Variants in GPR149 observed in about 807,000 individuals in gnomAD.
GPR149 encodes G protein-coupled receptor 149.
A neutral mutation model predicts 50.2 loss-of-function variants in GPR149; 50 were observed. That is an observed-to-expected ratio of 1.00 (90% confidence interval 0.79 to 1.26). GPR149 has a LOEUF of 1.26. GPR149 is among the 50% of genes most tolerant of loss of function. The pLI is 0.00. For missense variants in GPR149, 983 were observed against 895.4 expected (o/e 1.10, Z -1.25); for synonymous variants, 405 against 358.2 (o/e 1.13, Z -1.48).
At chr3:154,365,422 C>G (rs1234532427) in intron 3 of GPR149, among the ~76,000 whole-genome samples, 1 of 152,190 alleles carries the variant, frequency 6.6e-6, no homozygotes, top group Non-Finnish European at 1.5e-5. Context: ...TGGCTTCCCT[C>G]TATTCATACT....
intron 3 of GPR149, among the ~76,000 whole-genome samples, chr3:154,405,420 C>T (rs1335023694): frequency 6.6e-6 from 1 of 151,812 alleles, no homozygotes; most frequent in Non-Finnish European, 1.5e-5. Context: ...AATCCCGTCT[C>T]TACTAAAGAT....
intron 3 of GPR149, among the ~76,000 whole-genome samples, chr3:154,415,763 A>G (rs996516212): frequency 2.0e-5 from 3 of 151,944 alleles, no homozygotes; most frequent in Non-Finnish European, 2.9e-5. Flanking sequence ...GATTTTCTAC[A>G]ATAATTATAA....
intron 3 of GPR149, among the ~76,000 whole-genome samples, chr3:154,401,044 G>A (rs1341812052): frequency 6.6e-6 from 1 of 152,216 alleles, no homozygotes; most frequent in African/African-American, 2.4e-5. Flanking sequence ...AGTGTTGTAT[G>A]ATTCATGAGA....
chr3:154,339,589 T>C (rs895141154), intron 3 of GPR149, among the ~76,000 whole-genome samples: 2 of 152,034 alleles, frequency 1.3e-5, no homozygotes, highest in Non-Finnish European at 2.9e-5. Context: ...CAGTCTTAGT[T>C]AGACAAATGG....
chr3:154,397,550 TAA>T (rs1251640290), intron 3 of GPR149, among the ~76,000 whole-genome samples: 5 of 151,164 alleles, frequency 3.3e-5, no homozygotes, highest in African/African-American at 1.2e-4. Flanking sequence ...CCAATTATTC[TAA>T]TATATTTTGT....
Position 154,339,859 on chromosome 3 carries a change from G to A in GPR149, c.1624-1588C>T, listed in dbSNP as rs529688034. 9.1e-4 allele frequency among the ~76,000 whole-genome samples: 116 copies of A among 127,470 alleles called. 1 individual carries two copies. The highest frequency in any genetic ancestry group is 6.7e-3 in the Admixed American group (65 of 9,720). 83.6% of individuals were successfully genotyped at this position (127,470 alleles called of 152,430 possible). A position where few individuals can be genotyped will look rare whatever the true frequency, so the allele number is the denominator to read the frequency against. On this transcript the variant is annotated intron_variant, in intron 3 of 3. Transcript: ENST00000389740. ...GGCTGGAATGCAGTGGCTCGATCTCGGTTCACTGCAAGCTCTGCCTCCTGA... is the reference window on the plus strand; with the variant it reads ...GGCTGGAATGCAGTGGCTCGATCTCAGTTCACTGCAAGCTCTGCCTCCTGA...
intron 3 of GPR149, among the ~76,000 whole-genome samples, chr3:154,406,940 C>A (rs1207406873): frequency 1.3e-5 from 2 of 152,124 alleles, no homozygotes; most frequent in African/African-American, 4.8e-5. Context: ...GCTGGGAAGG[C>A]CTCACAATCA....
chr3:154,341,819 C>T (rs2108383921), intron 3 of GPR149, among the ~76,000 whole-genome samples: 1 of 152,158 alleles, frequency 6.6e-6, no homozygotes, highest in South Asian at 2.1e-4. Context: ...TATGTAGCTA[C>T]AGCAATTAAT....
chr3:154,423,214 G>A (rs1229679328), intron 2 of GPR149, among the ~76,000 whole-genome samples: 1 of 151,802 alleles, frequency 6.6e-6, no homozygotes, highest in Non-Finnish European at 1.5e-5. Flanking sequence ...AACATTCTGA[G>A]GCCATTTTGC....
chr3:154,377,045 T>TAA (rs34219325), intron 3 of GPR149, among the ~76,000 whole-genome samples: 2 of 128,506 alleles, frequency 1.6e-5, no homozygotes, highest in African/African-American at 2.8e-5. Context: ...AGCCCTGAAT[T>TAA]AAAAAAAAAA....
intron 3 of GPR149, among the ~76,000 whole-genome samples, chr3:154,366,452 C>G (rs1279686071): frequency 6.6e-6 from 1 of 152,234 alleles, no homozygotes; most frequent in Non-Finnish European, 1.5e-5. Flanking sequence ...AGACAATCTC[C>G]ATTAATGCAG....
chr3:154,364,400 C>G (rs751291889), intron 3 of GPR149, among the ~76,000 whole-genome samples: 8 of 152,150 alleles, frequency 5.3e-5, no homozygotes, highest in Non-Finnish European at 7.3e-5. Flanking sequence ...AAAGTCTTAA[C>G]TTGTTTCAGA....
chr3:154,356,331 G>C (rs532791410), intron 3 of GPR149, among the ~76,000 whole-genome samples: 110 of 152,182 alleles, frequency 7.2e-4, no homozygotes, highest in African/African-American at 2.5e-3. Flanking sequence ...TTCTGGCCAG[G>C]GCAATCAGGC....
At chr3:154,374,541 T>A (rs186938171) in intron 3 of GPR149, among the ~76,000 whole-genome samples, 1 of 152,182 alleles carries the variant, frequency 6.6e-6, no homozygotes, top group Admixed American at 6.5e-5. Context: ...CTCTAGTCCC[T>A]CACAATATCC....
intron 3 of GPR149, among the ~76,000 whole-genome samples, chr3:154,408,333 A>T (rs1183639405): frequency 6.6e-6 from 1 of 152,154 alleles, no homozygotes; most frequent in South Asian, 2.1e-4. Context: ...CCACAGACCC[A>T]CTGAAGGAAT....
In GPR149 at chr3:154,338,137, A is replaced by G; in HGVS notation, c.1758T>C (p.Ser586=). The change falls in exon 4 of 4, where the codon TCT becomes TCC. Residue 586 remains serine, a synonymous_variant. Coordinates refer to ENST00000389740, the MANE Select transcript of GPR149 (RefSeq NM_001038705.3). ...SAEGQKITPA[S]KKIEVYRSKS... ...TGGATCGATAGACTTCTATTTTCTT[A>G]GAGGCTGGAGTTATTTTTTGCCCTT... 6.2e-7 allele frequency: 1 copy of G among 1,614,154 alleles called. No individual in the cohort carries two copies. Among genetic ancestry groups the G allele is most frequent in the Non-Finnish European group, 8.5e-7 (1 of 1,180,016 alleles).
intron 3 of GPR149, among the ~76,000 whole-genome samples, chr3:154,402,355 A>G (rs750825730): frequency 3.6e-4 from 54 of 151,920 alleles, no homozygotes; most frequent in Admixed American, 1.5e-3. Flanking sequence ...GTTGGAGGCT[A>G]TGGTGAGCTA....
intron 3 of GPR149, among the ~76,000 whole-genome samples, chr3:154,361,389 T>C (rs1185288206): frequency 6.6e-6 from 1 of 152,198 alleles, no homozygotes; most frequent in African/African-American, 2.4e-5. Context: ...CAGGAATACA[T>C]AAAAGTACGT....
intron 3 of GPR149, among the ~76,000 whole-genome samples, chr3:154,409,776 AAG>A (rs1711786208): frequency 6.6e-6 from 1 of 152,196 alleles, no homozygotes; most frequent in Non-Finnish European, 1.5e-5. Context: ...CCTGAGGAAA[AAG>A]AGAAATCTGA....
Sources: gnomAD v4.1 joint callset for allele counts (sites outside exome capture counted in the v4.1 genomes callset) on GRCh38, gnomAD v4.1.1 for gene constraint, MANE v1.5 for transcripts, NCBI Gene and HGNC (gene_info 2026-07-23, HGNC 2026-07-21) for gene names.